The following FGF14 variants were observed in gnomAD, a reference collection of about 807,000 sequenced individuals.
FGF14 encodes the protein fibroblast growth factor 14.
Under a neutral mutation model 25.5 loss-of-function variants are expected in FGF14, and 5 were observed. The ratio of observed to expected loss-of-function variants is 0.20; its 90% CI spans 0.10 to 0.41. The LOEUF is 0.41. Ranked by LOEUF, FGF14 falls within the 10% of genes least tolerant of loss-of-function variation. The probability of loss-of-function intolerance (pLI) is 1.00; values close to 1 mark genes in which losing one functional copy is unlikely to be tolerated. For synonymous variants in FGF14, 138 were observed against 118.3 expected (o/e 1.17, Z -1.08); for missense variants, 222 against 320.1 (o/e 0.69, Z 2.34).
intron 3 of FGF14, among the ~76,000 whole-genome samples, chr13:101,817,187 G>T (rs2041886027): frequency 1.3e-5 from 2 of 152,142 alleles, no homozygotes; most frequent in African/African-American, 2.4e-5. Flanking sequence ...TGGTTTCTCA[G>T]TGAGCATCAG....
chr13:102,259,748 A>C (rs1251632406), intron 1 of FGF14, among the ~76,000 whole-genome samples: 1 of 152,166 alleles, frequency 6.6e-6, no homozygotes, highest in Non-Finnish European at 1.5e-5. Context: ...TTATAGATAA[A>C]GATAAAGCAC....
At chr13:102,048,201 G>A (rs1290363891) in intron 1 of FGF14, among the ~76,000 whole-genome samples, 1 of 151,942 alleles carries the variant, frequency 6.6e-6, no homozygotes, top group Non-Finnish European at 1.5e-5. Flanking sequence ...AAACAGCATG[G>A]CTCTTAGGTC....
At chr13:101,910,020 A>G (rs141395681) in intron 1 of FGF14, among the ~76,000 whole-genome samples, 2,629 of 151,224 alleles carry the variant, frequency 0.017, 93 homozygotes, top group African/African-American at 0.06. Context: ...GCACGTTCTC[A>G]CTCATAGGTG....
intron 3 of FGF14, among the ~76,000 whole-genome samples, chr13:101,818,806 A>G (rs1438305875): frequency 6.6e-6 from 1 of 152,202 alleles, no homozygotes; most frequent in African/African-American, 2.4e-5. Context: ...AACCTTTAAA[A>G]TGGCAATAAT....
chr13:101,990,148 G>A (rs774777585), intron 1 of FGF14, among the ~76,000 whole-genome samples: 2 of 152,008 alleles, frequency 1.3e-5, no homozygotes, highest in South Asian at 2.1e-4. Context: ...TTTATGATTC[G>A]TGGTCTCACT....
intron 3 of FGF14, among the ~76,000 whole-genome samples, chr13:101,837,006 G>A (rs1249233489): frequency 6.6e-6 from 1 of 152,024 alleles, no homozygotes; most frequent in Non-Finnish European, 1.5e-5. Flanking sequence ...TGAATATAAT[G>A]AGAGGAACTT....
intron 3 of FGF14, among the ~76,000 whole-genome samples, chr13:101,847,528 G>A (rs1168236946): frequency 8.5e-5 from 13 of 152,094 alleles, no homozygotes. Flanking sequence ...ACATGATCGT[G>A]TGCATGTTTG....
At chr13:101,899,026 C>A (rs1376776668) in intron 1 of FGF14, among the ~76,000 whole-genome samples, 2 of 152,130 alleles carry the variant, frequency 1.3e-5, no homozygotes, top group African/African-American at 2.4e-5. Flanking sequence ...TCAAGGCTTG[C>A]CAATAAAGAG....
chr13:102,150,226 G>A (rs1447214276), intron 1 of FGF14, among the ~76,000 whole-genome samples: 2 of 151,936 alleles, frequency 1.3e-5, no homozygotes, highest in East Asian at 3.9e-4. Flanking sequence ...GTGGCTGGAC[G>A]ATCTAAAATC....
In FGF14 at chr13:102,086,399, G is replaced by A. The variant is rs190819669; in HGVS notation, c.209-211103C>T. 7.2e-3 allele frequency among the ~76,000 whole-genome samples: 1,094 copies of A among 152,006 alleles called. 2 individuals carry two copies. The highest frequency in any genetic ancestry group is 0.013 in the African/African-American group (542 of 41,452). ...CAAAATATTAGCCGGGCGTGGTGGC[G>A]GGCGCATGTAGTCCCAGCTACTCGG... On this transcript the variant is annotated intron_variant, in intron 1 of 4. Coordinates refer to the FGF14 transcript ENST00000376131.
chr13:101,791,046 A>C (rs1042530108), intron 3 of FGF14, among the ~76,000 whole-genome samples: 8 of 152,092 alleles, frequency 5.3e-5, no homozygotes, highest in Admixed American at 2.6e-4. Flanking sequence ...ATTTGCTAAC[A>C]CACAAGCATT....
chr13:101,786,622 A>G (rs190150242), intron 3 of FGF14, among the ~76,000 whole-genome samples: 5 of 152,234 alleles, frequency 3.3e-5, no homozygotes, highest in African/African-American at 1.2e-4. Flanking sequence ...TAAGGACACC[A>G]ATCAAATTGG....
intron 3 of FGF14, among the ~76,000 whole-genome samples, chr13:101,769,166 CA>C (rs918718906): frequency 6.6e-6 from 1 of 151,820 alleles, no homozygotes; most frequent in Non-Finnish European, 1.5e-5. Flanking sequence ...GATAAGTTGC[CA>C]AAGAAGATAT....
chr13:102,352,811 CAA>C (rs368786811), intron 1 of FGF14, among the ~76,000 whole-genome samples: 12 of 62,120 alleles, frequency 1.9e-4, no homozygotes, highest in East Asian at 5.2e-4. Context: ...GACTCTGTCT[CAA>C]AAAAAAAAAA....
intron 3 of FGF14, among the ~76,000 whole-genome samples, chr13:101,778,686 G>A (rs1571358): frequency 9.2e-5 from 14 of 151,882 alleles, no homozygotes; most frequent in East Asian, 1.9e-4. Flanking sequence ...ACCTCTCCCC[G>A]TTTCTAAAAA....
chr13:102,096,735 G>A (rs1292177844), intron 1 of FGF14, among the ~76,000 whole-genome samples: 1 of 152,018 alleles, frequency 6.6e-6, no homozygotes, highest in Non-Finnish European at 1.5e-5. Flanking sequence ...AAACATGCCT[G>A]GGATATCCCT....
chr13:101,747,949 T>C (rs989208349), intron 3 of FGF14, among the ~76,000 whole-genome samples: 1 of 151,978 alleles, frequency 6.6e-6, no homozygotes, highest in African/African-American at 2.4e-5. Flanking sequence ...TAATTATCAT[T>C]ATAAAGTCAA....
intron 1 of FGF14, among the ~76,000 whole-genome samples, chr13:102,015,959 T>G (rs2040318886): frequency 6.6e-6 from 1 of 152,152 alleles, no homozygotes. Context: ...AATGTATTAG[T>G]GCTCAAAACT....
At chr13:102,187,404 AT>A (rs2048920874) in intron 1 of FGF14, among the ~76,000 whole-genome samples, 1 of 152,222 alleles carries the variant, frequency 6.6e-6, no homozygotes, top group Non-Finnish European at 1.5e-5. Context: ...AAAGTTTTTT[AT>A]AAAACAGAAT....
Sources: allele counts gnomAD v4.1 joint callset (sites outside exome capture counted in the v4.1 genomes callset), GRCh38; gene constraint gnomAD v4.1.1; transcripts MANE v1.5; gene names NCBI Gene and HGNC (gene_info 2026-07-23, HGNC 2026-07-21).